The following LRP8 variants were observed in gnomAD, a reference collection of about 807,000 sequenced individuals.
LRP8 encodes the protein LDL receptor related protein 8.
In LRP8, 46 loss-of-function variants were observed where a neutral mutation model predicts 111.6. The ratio of observed to expected loss-of-function variants is 0.41; its 90% CI spans 0.33 to 0.53. The LOEUF is 0.53. Ranked by LOEUF, LRP8 falls within the 20% of genes least tolerant of loss-of-function variation. The probability of loss-of-function intolerance (pLI) is 0.20; values close to 1 mark genes in which losing one functional copy is unlikely to be tolerated. For synonymous variants in LRP8, 464 were observed against 511.2 expected (o/e 0.91, Z 1.24); for missense variants, 959 against 1,297.4 (o/e 0.74, Z 4.01).
At chr1:53,247,099 G>A in intron 18 of LRP8, 43 bp from the exon 19 acceptor site, 1 of 1,504,898 alleles carries the variant, frequency 6.6e-7, no homozygotes, top group Non-Finnish European at 9.0e-7. Flanking sequence ...ATCCATAAGA[G>A]TTACTATTTA....
rs1454042079 is a variant in LRP8, at chr1:53,266,663, G to T, written c.1253-16C>A. On this transcript the variant is annotated splice_polypyrimidine_tract_variant and intron_variant, in intron 8 of 18. Coordinates refer to ENST00000306052, the MANE Select transcript of LRP8 (RefSeq NM_004631.5). This position sits in a 1 kb window ranked among gnomAD's most constrained non-coding sequence, Gnocchi z 5.0. Reference sequence around the variant, plus strand: ...CTCTTGCCAGCTGTCATGCAGGGAGGTTGAAAGAGAAAGAGTCAGTGCAAG... The same window carrying T: ...CTCTTGCCAGCTGTCATGCAGGGAGTTTGAAAGAGAAAGAGTCAGTGCAAG... 8 of 1,612,990 alleles carry T rather than the reference G, an allele frequency of 5.0e-6. No homozygotes were observed. The highest frequency in any genetic ancestry group is 6.8e-6 in the Non-Finnish European group (8 of 1,179,424).
chr1:53,320,852 A>G (rs888589223), intron 2 of LRP8, among the ~76,000 whole-genome samples: 4 of 152,234 alleles, frequency 2.6e-5, no homozygotes, highest in Admixed American at 1.3e-4. Context: ...CAGGGTAGAC[A>G]GCGCTCAGCG....
intron 2 of LRP8, among the ~76,000 whole-genome samples, chr1:53,312,373 G>A (rs1653158669): frequency 6.6e-6 from 1 of 152,128 alleles, no homozygotes; most frequent in Non-Finnish European, 1.5e-5. Context: ...TCTTTTGGCA[G>A]GCAGGGGTTG....
At chr1:53,316,668 C>T (rs1019943576) in intron 2 of LRP8, among the ~76,000 whole-genome samples, 4 of 152,218 alleles carry the variant, frequency 2.6e-5, no homozygotes, top group Admixed American at 2.6e-4. Context: ...AAGAATTCCA[C>T]AGAATGGGAT....
Position 53,328,039 on chromosome 1 carries a change from T to C in LRP8, c.-127A>G, listed in dbSNP as rs1340241530. 450 of 378,234 alleles carry C rather than the reference T, an allele frequency of 1.2e-3. 1 individual carries two copies. The highest frequency in any genetic ancestry group is 1.5e-3 in the Non-Finnish European group (408 of 279,204). The allele number at this position is 378,234 out of a possible 1,614,324, so 23.4% of individuals were successfully genotyped here. A position where few individuals can be genotyped will look rare whatever the true frequency, so the allele number is the denominator to read the frequency against. ...CCCCCGCCGCCGCCGCCGCCGCCGC[T>C]GCCGCCCGCCCCGGCTCCTCGGCTG... On this transcript the variant is annotated 5_prime_UTR_variant, in exon 1 of 19. Coordinates refer to ENST00000306052, the MANE Select transcript of LRP8 (RefSeq NM_004631.5).
At chr1:53,310,975 C>A (rs1652878430) in intron 2 of LRP8, among the ~76,000 whole-genome samples, 1 of 152,160 alleles carries the variant, frequency 6.6e-6, no homozygotes, top group African/African-American at 2.4e-5. Context: ...CAGCCCTGCA[C>A]ATGCTTCAGA....
intron 2 of LRP8, among the ~76,000 whole-genome samples, chr1:53,320,195 G>T (rs916473185): frequency 6.6e-6 from 1 of 152,256 alleles, no homozygotes; most frequent in Non-Finnish European, 1.5e-5. Flanking sequence ...ATCCAGAAGT[G>T]GGCAAGCAGG....
rs1401721973 is a variant in LRP8 at position 53,279,305 on chromosome 1, CCT to C, written c.496+1280_496+1281del. On this transcript the variant is annotated intron_variant, in intron 4 of 18. Coordinates refer to ENST00000306052, the MANE Select transcript of LRP8 (RefSeq NM_004631.5). This position sits in a 1 kb window ranked among gnomAD's most constrained non-coding sequence, Gnocchi z 4.4. Reference sequence around the variant, plus strand: ...AGAAGCCCAGTAAGACCTTCTGACACCTCTCTCTCCCATAATTAATGGGGAAT... The same window carrying C: ...AGAAGCCCAGTAAGACCTTCTGACACCTCTCTCCCATAATTAATGGGGAAT... Among the ~76,000 whole-genome samples the C allele has an allele frequency of 2.0e-5, 3 of 152,250 alleles. No individual in the cohort carries two copies. The East Asian group carries it at 5.8e-4, about 29-fold the overall frequency.
intron 3 of LRP8, 126 bp from the exon 4 acceptor site, chr1:53,280,841 C>A (rs1398943150): frequency 1.2e-5 from 14 of 1,192,454 alleles, no homozygotes; most frequent in South Asian, 1.5e-5. Flanking sequence ...GCTCTTCTGG[C>A]CCATGTCTCA....
At chr1:53,255,660 A>G (rs1185963334) in intron 15 of LRP8, among the ~76,000 whole-genome samples, 1 of 151,630 alleles carries the variant, frequency 6.6e-6, no homozygotes, top group African/African-American at 2.4e-5. Context: ...TTCATAAGTA[A>G]TTGAAATGGG....
intron 2 of LRP8, chr1:53,292,140 T>C (rs1329592417): frequency 1.3e-5 from 2 of 152,218 alleles, no homozygotes; most frequent in Admixed American, 1.3e-4. Flanking sequence ...CTCCCCCTCC[T>C]CTGGGGAGCC....
At chr1:53,257,605 G>T in intron 14 of LRP8, 141 bp from the exon 15 acceptor site, 1 of 648,606 alleles carries the variant, frequency 1.5e-6, no homozygotes, top group Non-Finnish European at 2.7e-6. Context: ...TCTCCCCAGT[G>T]GGCTATGATC....
chr1:53,319,511 G>A (rs1193485997), intron 2 of LRP8, among the ~76,000 whole-genome samples: 1 of 152,224 alleles, frequency 6.6e-6, no homozygotes, highest in Non-Finnish European at 1.5e-5. Flanking sequence ...GCGCCTGAGA[G>A]CATGCCGCAT....
chr1:53,277,815 C>CT (rs1288782438), intron 4 of LRP8, among the ~76,000 whole-genome samples: 3 of 152,164 alleles, frequency 2.0e-5, no homozygotes, highest in Non-Finnish European at 4.4e-5. Context: ...GCGCAGGCGT[C>CT]TGAGTTTCAT....
intron 10 of LRP8, 70 bp downstream of exon 10, chr1:53,264,099 C>A: frequency 6.9e-7 from 1 of 1,442,740 alleles, no homozygotes; most frequent in East Asian, 2.4e-5. Flanking sequence ...CTCAAGATAG[C>A]CCTTGTGACA....
At position 53,258,346 on chromosome 1, in the gene LRP8, C is replaced by G; in HGVS notation, c.2182G>C (p.Gly728Arg). Residue 728 changes from glycine (G) to arginine (R), a missense_variant, in exon 14 of 19, where the codon GGT (glycine) becomes CGT (arginine). Physicochemically the swap from Gly to Arg is moderately radical, Grantham distance 125. This residue lies in a region of LRP8 where 819 missense variants were observed against 1,097.6 expected (regional missense o/e 0.75). Coordinates refer to ENST00000306052, the MANE Select transcript of LRP8 (RefSeq NM_004631.5). ...TCACPDTMWL[G>R]PDMKRCYRAP... ...CGGTAGCACCTCTTCATGTCTGGAC[C>G]CAGCCACATTGTGTCAGGACAGGCA... 1.2e-6 allele frequency: 2 copies of G among 1,614,064 alleles called. No homozygotes were observed. The highest frequency in any genetic ancestry group is 8.5e-7 in the Non-Finnish European group (1 of 1,179,978).
rs1647039707 is a variant in LRP8 at position 53,279,597 on chromosome 1, T to TA, written c.496+989dup. 6.6e-6 allele frequency among the ~76,000 whole-genome samples: 1 copy of TA among 152,152 alleles called. No homozygotes were observed. Among genetic ancestry groups the TA allele is most frequent in the African/African-American group, 2.4e-5 (1 of 41,418 alleles). ...ACATCAAATTCCAGACTTAGAATCT[T>TA]AAAGTGTGACGACTCAGACACCTCT... On this transcript the variant is annotated intron_variant, in intron 4 of 18. Transcript: ENST00000306052. The surrounding 1 kb of genome is among the most constrained non-coding windows in gnomAD (Gnocchi z 4.4).
rs1229341236 is a variant in LRP8 at position 53,293,951 on chromosome 1, G to T, written c.245-4262C>A. Among the ~76,000 whole-genome samples the T allele has an allele frequency of 1.3e-5, 2 of 152,242 alleles. No homozygotes were observed. ...TCTGGGGGATCCTGGTGAACACCCA[G>T]TGTCAGGCCGTTCAGTGCAATGAGC... On this transcript the variant is annotated intron_variant, in intron 2 of 18. Coordinates refer to ENST00000306052, the MANE Select transcript of LRP8 (RefSeq NM_004631.5). The surrounding 1 kb of genome is among the most constrained non-coding windows in gnomAD (Gnocchi z 4.9).
chr1:53,280,784 C>T (rs1647083191), intron 3 of LRP8, 69 bp from the exon 4 acceptor site: 12 of 1,576,926 alleles, frequency 7.6e-6, no homozygotes, highest in Non-Finnish European at 9.5e-6. Flanking sequence ...ACCAGTCCTA[C>T]CACCCTGTTC....
Sources: gnomAD v4.1 joint callset for allele counts (sites outside exome capture counted in the v4.1 genomes callset) on GRCh38, gnomAD v4.1.1 for gene constraint, gnomAD v4.1.1 regional missense constraint, Gnocchi (gnomAD v3.1) non-coding constraint, MANE v1.5 for transcripts, NCBI Gene and HGNC (gene_info 2026-07-23, HGNC 2026-07-21) for gene names.